TDRP: variants seen among roughly 807,000 people sequenced by gnomAD.
TDRP encodes testis development-related protein.
TDRP carries 12 observed loss-of-function variants against 10.5 expected under a neutral mutation model. The ratio of observed to expected loss-of-function variants is 1.15; its 90% confidence interval spans 0.73 to 1.86. The LOEUF (loss-of-function observed/expected upper bound fraction) is 1.86, where lower values mean the gene tolerates loss of function less well. TDRP is among the 40% of genes most tolerant of loss of function. The pLI, the probability that TDRP is intolerant of heterozygous loss-of-function variation, is 0.00. For missense variants in TDRP, 353 were observed against 229.2 expected (o/e 1.54, Z -3.49); for synonymous variants, 139 against 95.4 (o/e 1.46, Z -2.67).
intron 1 of TDRP, among the ~76,000 whole-genome samples, chr8:531,569 CTT>C (rs778251456): frequency 2.0e-5 from 3 of 152,318 alleles, no homozygotes; most frequent in East Asian, 3.9e-4. Flanking sequence ...CATACGGACA[CTT>C]TTTATCTACG....
At chr8:530,591 G>C (rs1206900966) in intron 1 of TDRP, among the ~76,000 whole-genome samples, 2 of 152,096 alleles carry the variant, frequency 1.3e-5, no homozygotes, top group Non-Finnish European at 2.9e-5. Context: ...TACATGGAAT[G>C]TCCCAATTAG....
rs375140609 is a variant in TDRP, at chr8:496,045, A to C, written c.109-1448T>G. ...ACTGGGATAGGAGTATGATGGCAGT[A>C]CCCACGCCAAAGAAACCATCACAAC... On this transcript the variant is annotated intron_variant, in intron 1 of 2. Transcript: ENST00000324079. 6.6e-5 allele frequency among the ~76,000 whole-genome samples: 10 copies of C among 152,368 alleles called. No homozygotes were observed. The South Asian group carries it at 1.2e-3, about 19-fold the overall frequency.
At chr8:533,327 C>T (rs1225426012) in intron 1 of TDRP, among the ~76,000 whole-genome samples, 8 of 152,228 alleles carry the variant, frequency 5.3e-5, no homozygotes, top group Non-Finnish European at 1.2e-4. Context: ...GCTGCTCCCA[C>T]AGCCAGGCCA....
At chr8:509,950 G>A (rs868417916) in intron 1 of TDRP, among the ~76,000 whole-genome samples, 13 of 152,182 alleles carry the variant, frequency 8.5e-5, no homozygotes, top group African/African-American at 3.1e-4. Context: ...AACCTGAGAA[G>A]TGGAGGTTGC....
chr8:528,146 G>C (rs1225321158), intron 1 of TDRP, among the ~76,000 whole-genome samples: 3 of 152,140 alleles, frequency 2.0e-5, no homozygotes, highest in East Asian at 3.8e-4. Context: ...TGGTAAATGG[G>C]TATATGAAAA....
chr8:506,692 T>C (rs998039756), intron 1 of TDRP, among the ~76,000 whole-genome samples: 1 of 152,178 alleles, frequency 6.6e-6, no homozygotes, highest in Non-Finnish European at 1.5e-5. Context: ...GGAGAGCAGC[T>C]TGCCTTTGTC....
intron 1 of TDRP, among the ~76,000 whole-genome samples, chr8:514,481 A>G (rs1008656886): frequency 6.6e-6 from 1 of 152,304 alleles, no homozygotes; most frequent in South Asian, 2.1e-4. Context: ...AAAACTGGGG[A>G]CAGGATGCTG....
In TDRP at chr8:490,290, T is replaced by G. The variant is rs1800932473; in HGVS notation, c.*2109A>C. 1.3e-5 allele frequency: 2 copies of G among 152,254 alleles called. No homozygotes were observed. 9.4% of individuals were successfully genotyped at this position (152,254 alleles called of 1,614,324 possible). A position where few individuals can be genotyped will look rare whatever the true frequency, so the allele number is the denominator to read the frequency against. On this transcript the variant is annotated 3_prime_UTR_variant, in exon 3 of 3. Coordinates refer to ENST00000324079, the MANE Select transcript of TDRP (RefSeq NM_001384899.1). ...TCATTTTTACATTAGTCTTTGTAGA[T>G]AAGAAAAATTTGATTTACAGTGCAT...
chr8:528,564 T>C (rs955417582), intron 1 of TDRP, among the ~76,000 whole-genome samples: 1 of 137,810 alleles, frequency 7.3e-6, no homozygotes, highest in Non-Finnish European at 1.6e-5. Context: ...ATCTGGTACT[T>C]GACAGCACAA....
At chr8:498,396 T>G (rs1801191873) in intron 1 of TDRP, among the ~76,000 whole-genome samples, 1 of 152,210 alleles carries the variant, frequency 6.6e-6, no homozygotes, top group African/African-American at 2.4e-5. Flanking sequence ...ATGACTGCCC[T>G]GCTGGGTTTC....
chr8:511,287 A>T (rs772404483), intron 1 of TDRP, among the ~76,000 whole-genome samples: 1 of 152,122 alleles, frequency 6.6e-6, no homozygotes, highest in Admixed American at 6.6e-5. Context: ...AAGGAAGGAA[A>T]CAGAGATATG....
chr8:501,076 G>GCGCGTGTAGTC (rs1801283377), intron 1 of TDRP, among the ~76,000 whole-genome samples: 1 of 151,904 alleles, frequency 6.6e-6, no homozygotes, highest in Non-Finnish European at 1.5e-5. Flanking sequence ...GTGATGGCGG[G>GCGCGTGTAGTC]CGCCTGTAGT....
At chr8:543,939 G>A (rs893080292) in intron 1 of TDRP, among the ~76,000 whole-genome samples, 6 of 134,844 alleles carry the variant, frequency 4.4e-5, no homozygotes, top group Admixed American at 1.5e-4. Flanking sequence ...GGGGGGGGAG[G>A]GGGTGGGGGA....
chr8:505,958 C>T (rs867707923), intron 1 of TDRP, among the ~76,000 whole-genome samples: 30 of 152,140 alleles, frequency 2.0e-4, no homozygotes, highest in African/African-American at 6.8e-4. Context: ...GGTCCCTAAG[C>T]AGCAGGGTAG....
rs1261003770 is a variant in TDRP, at chr8:509,981, C to G, written c.109-15384G>C. 2.6e-5 allele frequency among the ~76,000 whole-genome samples: 4 copies of G among 152,152 alleles called. No homozygotes were observed. The South Asian group carries it at 6.2e-4, about 24-fold the overall frequency. On this transcript the variant is annotated intron_variant, in intron 1 of 2. Coordinates refer to ENST00000324079, the MANE Select transcript of TDRP (RefSeq NM_001384899.1). ...GTTGCAGTGAGCCAAGATTGTGTCA[C>G]TGCACTCCAGCCTGGGTGACAGAGC...
intron 1 of TDRP, among the ~76,000 whole-genome samples, chr8:502,023 G>C (rs77664501): frequency 1.3e-5 from 2 of 152,182 alleles, no homozygotes; most frequent in Non-Finnish European, 2.9e-5. Flanking sequence ...ACTCTGGGAA[G>C]AGTGAAAGCA....
intron 1 of TDRP, among the ~76,000 whole-genome samples, chr8:514,640 C>G (rs1489828070): frequency 6.6e-6 from 1 of 152,184 alleles, no homozygotes; most frequent in Non-Finnish European, 1.5e-5. Flanking sequence ...ACTGCCGGAT[C>G]CACATAAGCC....
intron 1 of TDRP, among the ~76,000 whole-genome samples, chr8:539,243 C>T (rs1802428558): frequency 1.3e-5 from 2 of 152,156 alleles, no homozygotes; most frequent in East Asian, 1.9e-4. Flanking sequence ...GGGGCCGGCA[C>T]GATGGGATGA....
chr8:514,481 A>C (rs1008656886), intron 1 of TDRP, among the ~76,000 whole-genome samples: 1 of 152,186 alleles, frequency 6.6e-6, no homozygotes, highest in Non-Finnish European at 1.5e-5. Context: ...AAAACTGGGG[A>C]CAGGATGCTG....
Sources: allele counts gnomAD v4.1 joint callset (sites outside exome capture counted in the v4.1 genomes callset), GRCh38; gene constraint gnomAD v4.1.1; transcripts MANE v1.5; gene names NCBI Gene and HGNC (gene_info 2026-07-23, HGNC 2026-07-21).